MAP3K15: variants seen among roughly 807,000 people sequenced by gnomAD.
MAP3K15 encodes mitogen-activated protein kinase kinase kinase 15, also known as MAPK/ERK kinase kinase 15.
In MAP3K15, 124 loss-of-function variants were observed where a neutral mutation model predicts 99.5. The ratio of observed to expected loss-of-function variants is 1.25; its 90% confidence interval spans 1.08 to 1.45. The LOEUF (loss-of-function observed/expected upper bound fraction) is 1.45, where lower values mean the gene tolerates loss of function less well. Among genes scored for constraint, MAP3K15 ranks in the 40% most tolerant of loss-of-function variants. MAP3K15 has a pLI of 0.00. For synonymous variants in MAP3K15, 494 were observed against 439.6 expected (o/e 1.12, Z -1.55); for missense variants, 1,242 against 1,079.7 (o/e 1.15, Z -2.11).
At chrX:19,478,578 C>T (rs1328429591) in intron 3 of MAP3K15, among the ~76,000 whole-genome samples, 2 of 109,385 alleles carry the variant, frequency 1.8e-5, no homozygotes, top group Admixed American at 9.7e-5. Context: ...AAGACACTGT[C>T]TCCAATATTG....
At chrX:19,417,701 T>C (rs919072081) in intron 9 of MAP3K15, among the ~76,000 whole-genome samples, 2 of 111,674 alleles carry the variant, frequency 1.8e-5, no homozygotes, top group Non-Finnish European at 1.9e-5. Context: ...GTAGTGGTTC[T>C]CCCAGCACGC....
intron 1 of MAP3K15, among the ~76,000 whole-genome samples, chrX:19,508,451 C>T (rs759719544): frequency 1.8e-5 from 2 of 112,664 alleles, no homozygotes; most frequent in African/African-American, 3.2e-5. Context: ...GTATTACAGG[C>T]GTGAGCCACC....
chrX:19,501,857 G>C (rs2064442846), intron 1 of MAP3K15, among the ~76,000 whole-genome samples: 1 of 111,779 alleles, frequency 8.9e-6, no homozygotes, highest in Non-Finnish European at 1.9e-5. Context: ...CCTGAGGTCA[G>C]GAGTTCTAGA....
intron 12 of MAP3K15, chrX:19,408,468 C>A (rs2063663042): frequency 7.1e-6 from 1 of 140,203 alleles, no homozygotes. Context: ...GCCTGACCAA[C>A]ATGGCAAAAC....
At chrX:19,434,396 T>G (rs1238537555) in intron 6 of MAP3K15, among the ~76,000 whole-genome samples, 1 of 101,252 alleles carries the variant, frequency 9.9e-6, no homozygotes, top group East Asian at 2.9e-4. Flanking sequence ...AGCTAATTTT[T>G]TAATTTTTTT....
At chrX:19,416,194 G>A (rs772103553) in intron 9 of MAP3K15, among the ~76,000 whole-genome samples, 32 of 111,350 alleles carry the variant, frequency 2.9e-4, no homozygotes, top group East Asian at 1.1e-3. Flanking sequence ...AGCAGGATGC[G>A]GTGGCAGGCG....
Position 19,361,321 on chromosome X carries a change from C to T in MAP3K15, c.3857+18G>A, listed in dbSNP as rs1569196432. ...AAAAAGTTGTATTCTCTTATACAAA[C>T]TGTTTTGAGGCTCTTACCGTAGTCG... On this transcript the variant is annotated intron_variant, in intron 28 of 28. Coordinates refer to ENST00000338883, the MANE Select transcript of MAP3K15 (RefSeq NM_001001671.4). The T allele has an allele frequency of 8.6e-7, 1 of 1,169,461 alleles. No homozygotes were observed. The highest frequency in any genetic ancestry group is 2.3e-5 in the Admixed American group (1 of 44,326).
intron 3 of MAP3K15, among the ~76,000 whole-genome samples, chrX:19,465,692 T>C (rs1388178402): frequency 1.8e-5 from 2 of 110,186 alleles, no homozygotes; most frequent in Admixed American, 1.9e-4. Context: ...AGGCGGAGGT[T>C]GCATTGAGCC....
chrX:19,376,923 C>G (rs1235843089), intron 19 of MAP3K15: 2 of 110,712 alleles, frequency 1.8e-5, no homozygotes, highest in African/African-American at 6.6e-5. Flanking sequence ...GTCCAAAACA[C>G]CAGTCATACT....
At chrX:19,387,069 G>C (rs1479045105) in intron 18 of MAP3K15, among the ~76,000 whole-genome samples, 1 of 112,073 alleles carries the variant, frequency 8.9e-6, no homozygotes, top group Non-Finnish European at 1.9e-5. Context: ...TAGTCCAGGG[G>C]ACTACCCTAG....
intron 6 of MAP3K15, among the ~76,000 whole-genome samples, chrX:19,436,154 CA>C (rs756368352): frequency 3.1e-3 from 162 of 52,126 alleles, no homozygotes; most frequent in Non-Finnish European, 2.7e-3. Flanking sequence ...AACGCCATGT[CA>C]AAAAAAAAAA....
At chrX:19,366,376 G>T (rs767147841) in intron 25 of MAP3K15, among the ~76,000 whole-genome samples, 57 of 111,796 alleles carry the variant, frequency 5.1e-4, no homozygotes, top group Non-Finnish European at 9.6e-4. Flanking sequence ...CTTTGGCTCT[G>T]CCCAACTGCC....
rs182836908 is a variant in MAP3K15, at chrX:19,360,510, A to G, written c.*239T>C. 8.1e-4 allele frequency: 242 copies of G among 297,630 alleles called. 1 individual carries two copies. Among genetic ancestry groups the G allele is most frequent in the African/African-American group, 6.2e-3 (220 of 35,699 alleles). The allele number at this position is 297,630 out of a possible 1,213,427, so 24.5% of individuals were successfully genotyped here. A position where few individuals can be genotyped will look rare whatever the true frequency, so the allele number is the denominator to read the frequency against. On this transcript the variant is annotated 3_prime_UTR_variant, in exon 29 of 29. Coordinates refer to ENST00000338883, the MANE Select transcript of MAP3K15 (RefSeq NM_001001671.4). ...GCTGGGACTACAAGTGAATTTCCTA[A>G]TATTCCGGGAGGTCAAAACCAAGGC...
chrX:19,431,940 CTTTTTTT>C (rs773036480), intron 6 of MAP3K15, among the ~76,000 whole-genome samples: 2 of 81,057 alleles, frequency 2.5e-5, no homozygotes, highest in Non-Finnish European at 4.8e-5. Context: ...TGAGACCCTG[CTTTTTTT>C]TTTTTTTTTT....
At chrX:19,435,924 C>T (rs149949593) in intron 6 of MAP3K15, among the ~76,000 whole-genome samples, 11,780 of 111,498 alleles carry the variant, frequency 0.11, 1,564 homozygotes, top group African/African-American at 0.36. Context: ...GAGGCCAAGG[C>T]GGGCAGATTA....
At chrX:19,412,289 G>A (rs1040164266) in intron 11 of MAP3K15, among the ~76,000 whole-genome samples, 2 of 112,224 alleles carry the variant, frequency 1.8e-5, no homozygotes, top group African/African-American at 3.2e-5. Context: ...ATAATCAACA[G>A]GCATTTGTTC....
At chrX:19,404,675 T>C (rs2063634687) in intron 13 of MAP3K15, among the ~76,000 whole-genome samples, 1 of 111,907 alleles carries the variant, frequency 8.9e-6, no homozygotes, top group Non-Finnish European at 1.9e-5. Context: ...TGGAACGGAA[T>C]TGAGAGTCCA....
chrX:19,395,033 G>A (rs1359453018), intron 16 of MAP3K15, 48 bp downstream of exon 16: 3 of 1,174,969 alleles, frequency 2.6e-6, no homozygotes, highest in Non-Finnish European at 2.3e-6. Flanking sequence ...TGACATCCAC[G>A]TCGTAGTGAT....
rs138797174 is a variant in MAP3K15, at chrX:19,453,613, C to G, written c.995+3300G>C. On this transcript the variant is annotated intron_variant, in intron 6 of 28. Transcript: ENST00000338883. ...TTACATTTTGGGCCCTTGCCTTTTT[C>G]TTTGTTTGTTTCTTTCTCCTCTCCA... is the stretch of plus-strand genomic sequence containing the variant. Among the ~76,000 whole-genome samples, 373 of 110,316 alleles carry G rather than the reference C, an allele frequency of 3.4e-3. 1 individual carries two copies. Among genetic ancestry groups the G allele is most frequent in the African/African-American group, 0.012 (353 of 30,348 alleles).
Sources: gnomAD v4.1 joint callset for allele counts (sites outside exome capture counted in the v4.1 genomes callset) on GRCh38, gnomAD v4.1.1 for gene constraint, MANE v1.5 for transcripts, NCBI Gene and HGNC (gene_info 2026-07-23, HGNC 2026-07-21) for gene names.